Variants in ATP6V1G3 observed in about 807,000 individuals in gnomAD.
ATP6V1G3 encodes the protein V-type proton ATPase subunit G 3.
ATP6V1G3 carries 9 observed loss-of-function variants against 9.3 expected under a neutral mutation model. The ratio of observed to expected loss-of-function variants is 0.97; its 90% confidence interval spans 0.59 to 1.69. ATP6V1G3 has a LOEUF of 1.69. Among genes scored for constraint, ATP6V1G3 ranks in the 40% most tolerant of loss-of-function variants. The pLI, the probability that ATP6V1G3 is intolerant of heterozygous loss-of-function variation, is 0.00. For missense variants in ATP6V1G3, 133 were observed against 139.0 expected (o/e 0.96, Z 0.22); for synonymous variants, 43 against 43.8 (o/e 0.98, Z 0.07).
chr1:198,540,726 A>C, upstream of ATP6V1G3: 1 of 1,395,782 alleles, frequency 7.2e-7, no homozygotes, highest in South Asian at 1.2e-5. Flanking sequence ...AGAAATTAAC[A>C]TATAACTCAG....
chr1:198,536,812 A>C (rs1558181947), intron 1 of ATP6V1G3: 1 of 1,009,962 alleles, frequency 9.9e-7, no homozygotes, highest in African/African-American at 1.6e-5. Context: ...ACATACAAAA[A>C]TACATGACAT....
rs570752251 is a variant in ATP6V1G3 at position 198,529,002 on chromosome 1, C to A, written c.183+79G>T. The A allele has an allele frequency of 3.2e-4, 192 of 594,454 alleles. 2 individuals carry two copies. Among genetic ancestry groups the A allele is most frequent in the South Asian group, 1.5e-3 (68 of 46,832 alleles). The allele number at this position is 594,454 out of a possible 1,614,324, so 36.8% of individuals were successfully genotyped here. On this transcript the variant is annotated intron_variant, in intron 2 of 2. Coordinates refer to ENST00000367382, the MANE Select transcript of ATP6V1G3 (RefSeq NM_001376861.1). The stretch of plus-strand genomic sequence containing the variant: ...TCAATTGCAGCATATTTTTTTCTGT[C>A]AATATCCTATATTAAACCTTATAAA...
chr1:198,528,305 G>A (rs1209421611), intron 2 of ATP6V1G3, among the ~76,000 whole-genome samples: 1 of 152,046 alleles, frequency 6.6e-6, no homozygotes, highest in East Asian at 1.9e-4. Context: ...AATAGAAGTT[G>A]TAAATAAAGA....
intron 2 of ATP6V1G3, among the ~76,000 whole-genome samples, chr1:198,524,045 A>G (rs189876293): frequency 2.6e-5 from 4 of 152,218 alleles, no homozygotes; most frequent in Admixed American, 2.0e-4. Context: ...TATTTTTAAA[A>G]TACATTATCT....
chr1:198,528,988 A>G (rs1018999044), intron 2 of ATP6V1G3, 93 bp downstream of exon 2: 3 of 494,004 alleles, frequency 6.1e-6, no homozygotes, highest in Admixed American at 3.0e-5. Flanking sequence ...CAATTGCAGC[A>G]TATTTTTTTC....
intron 2 of ATP6V1G3, 91 bp downstream of exon 2, chr1:198,528,990 A>AT (rs1241825507): frequency 2.6e-5 from 13 of 509,796 alleles, no homozygotes; most frequent in Admixed American, 1.8e-4. Flanking sequence ...ATTGCAGCAT[A>AT]TTTTTTTCTG....
chr1:198,530,914 C>A (rs1483512572), intron 1 of ATP6V1G3, among the ~76,000 whole-genome samples: 1 of 151,766 alleles, frequency 6.6e-6, no homozygotes, highest in Non-Finnish European at 1.5e-5. Context: ...AATTATTTTA[C>A]AAAATAAATC....
At chr1:198,529,616 G>A (rs1659815594) in intron 1 of ATP6V1G3, among the ~76,000 whole-genome samples, 2 of 151,998 alleles carry the variant, frequency 1.3e-5, no homozygotes. Context: ...CACACCAACT[G>A]GATCCTATTT....
At chr1:198,523,664 A>G (rs1659540064) in intron 2 of ATP6V1G3, 100 bp from the exon 3 acceptor site, 2 of 1,072,064 alleles carry the variant, frequency 1.9e-6, no homozygotes, top group Non-Finnish European at 2.6e-6. Flanking sequence ...ACAATGCACA[A>G]TTATGTACTC....
intron 1 of ATP6V1G3, among the ~76,000 whole-genome samples, chr1:198,529,487 A>G (rs1430541839): frequency 1.3e-5 from 2 of 152,032 alleles, no homozygotes; most frequent in Non-Finnish European, 2.9e-5. Context: ...TTTAAATAAA[A>G]TATCTGCCCA....
intron 2 of ATP6V1G3, 68 bp from the exon 3 acceptor site, chr1:198,523,632 C>G: frequency 6.9e-7 from 1 of 1,450,262 alleles, no homozygotes; most frequent in Non-Finnish European, 9.4e-7. Context: ...TTTGTCCTAG[C>G]CTGTTTACTG....
intron 1 of ATP6V1G3, among the ~76,000 whole-genome samples, chr1:198,533,038 G>A (rs1659967823): frequency 6.6e-6 from 1 of 152,126 alleles, no homozygotes; most frequent in African/African-American, 2.4e-5. Flanking sequence ...AGGCACGGTG[G>A]CTCATGCCTG....
intron 1 of ATP6V1G3, among the ~76,000 whole-genome samples, chr1:198,533,720 T>C (rs1659999605): frequency 6.6e-6 from 1 of 152,150 alleles, no homozygotes; most frequent in Non-Finnish European, 1.5e-5. Context: ...TGAGATCAGA[T>C]GAGAGCACCT....
upstream of ATP6V1G3, chr1:198,540,899 T>C (rs931087145): frequency 1.8e-6 from 1 of 546,156 alleles, no homozygotes; most frequent in Non-Finnish European, 3.3e-6. Context: ...TTAGCTCTTC[T>C]GTATGAGATA....
intron 2 of ATP6V1G3, among the ~76,000 whole-genome samples, chr1:198,527,097 C>T (rs1248720441): frequency 2.0e-5 from 3 of 152,120 alleles, no homozygotes; most frequent in African/African-American, 7.2e-5. Context: ...CATCAAGATA[C>T]AACACCCACG....
At chr1:198,532,575 G>A (rs1317319155) in intron 1 of ATP6V1G3, among the ~76,000 whole-genome samples, 1 of 152,174 alleles carries the variant, frequency 6.6e-6, no homozygotes, top group African/African-American at 2.4e-5. Context: ...TAATATGACA[G>A]GGATGATGGT....
intron 1 of ATP6V1G3, among the ~76,000 whole-genome samples, chr1:198,534,164 T>A (rs1475298362): frequency 1.3e-5 from 2 of 152,174 alleles, no homozygotes; most frequent in African/African-American, 4.8e-5. Context: ...GATGTAACCT[T>A]ACTTGGAAAT....
chr1:198,533,909 G>A (rs1046721136), intron 1 of ATP6V1G3, among the ~76,000 whole-genome samples: 8 of 152,214 alleles, frequency 5.3e-5, no homozygotes, highest in African/African-American at 1.9e-4. Context: ...ATTGGGTTTA[G>A]CAAGACTGGT....
At chr1:198,523,682 AGATT>A (rs1659541199) in intron 2 of ATP6V1G3, 118 bp from the exon 3 acceptor site, 4 of 897,096 alleles carry the variant, frequency 4.5e-6, no homozygotes, top group Non-Finnish European at 6.5e-6. Context: ...CTCCTTTTCT[AGATT>A]TTTTCAGAGA....
Sources: allele counts gnomAD v4.1 joint callset (sites outside exome capture counted in the v4.1 genomes callset), GRCh38; gene constraint gnomAD v4.1.1; transcripts MANE v1.5; gene names NCBI Gene and HGNC (gene_info 2026-07-23, HGNC 2026-07-21).